RNPC3: variants seen among roughly 807,000 people sequenced by gnomAD.
The protein encoded by RNPC3 is RNA binding region (RNP1, RRM) containing 3.
A neutral mutation model predicts 67.5 loss-of-function variants in RNPC3; 48 were observed. That is an observed-to-expected ratio of 0.71 (90% CI 0.56 to 0.90). RNPC3 has a LOEUF of 0.90. RNPC3 is among the 40% of genes least tolerant of loss of function. The pLI, the probability that RNPC3 is intolerant of heterozygous loss-of-function variation, is 0.00. For synonymous variants in RNPC3, 239 were observed against 210.3 expected, an observed-to-expected ratio of 1.14 and a Z score of -1.18; for missense variants, 637 against 626.1, an observed-to-expected ratio of 1.02 and a Z score of -0.19.
At position 103,525,898 on chromosome 1, in the gene RNPC3, G is replaced by A; in HGVS notation, c.-173G>A. The stretch of plus-strand genomic sequence containing the variant: ...TTCCCCGAAGAGTCTTCGAAGGGTT[G>A]CCGCTTTTCGGTGGCGCAGTTCTCG... On this transcript the variant is annotated 5_prime_UTR_variant, in exon 1 of 15. Coordinates refer to ENST00000423855, the MANE Select transcript of RNPC3 (RefSeq NM_017619.4). 1.7e-6 allele frequency: 1 copy of A among 599,104 alleles called. No individual in the cohort carries two copies. The allele number at this position is 599,104 out of a possible 1,614,324, so 37.1% of individuals were successfully genotyped here.
chr1:103,526,924 G>T (rs1291090908), intron 1 of RNPC3, among the ~76,000 whole-genome samples: 2 of 151,980 alleles, frequency 1.3e-5, no homozygotes, highest in Non-Finnish European at 2.9e-5. Flanking sequence ...GTTTCCCTAG[G>T]TGATTTTAAT....
chr1:103,547,512 TGG>T (rs1651275532), intron 12 of RNPC3, among the ~76,000 whole-genome samples: 1 of 152,196 alleles, frequency 6.6e-6, no homozygotes, highest in Non-Finnish European at 1.5e-5. Context: ...CTAGGTTTCA[TGG>T]GTAGGACTCA....
At chr1:103,529,424 G>A (rs1197716578) in intron 2 of RNPC3, among the ~76,000 whole-genome samples, 24 of 152,118 alleles carry the variant, frequency 1.6e-4, no homozygotes, top group South Asian at 2.1e-4. Context: ...GCAGTAAGAG[G>A]TTAACGGCAA....
At chr1:103,545,142 CA>C in intron 10 of RNPC3, 40 bp downstream of exon 10, 1 of 1,478,932 alleles carries the variant, frequency 6.8e-7, no homozygotes. Context: ...TTCCATTTTA[CA>C]TATCTTTGAC....
At chr1:103,543,760 C>A (rs1315542760) in intron 9 of RNPC3, among the ~76,000 whole-genome samples, 1 of 151,530 alleles carries the variant, frequency 6.6e-6, no homozygotes, top group Non-Finnish European at 1.5e-5. Context: ...TTGTTTCATG[C>A]CGTGGCCTAT....
intron 4 of RNPC3, 100 bp from the exon 5 acceptor site, chr1:103,535,230 G>A (rs1650951549): frequency 4.2e-6 from 3 of 707,084 alleles, no homozygotes; most frequent in Non-Finnish European, 7.1e-6. Flanking sequence ...TAATAGTACT[G>A]TATCATTTGA....
chr1:103,550,493 T>G (rs1171820819), intron 12 of RNPC3, among the ~76,000 whole-genome samples: 1 of 151,722 alleles, frequency 6.6e-6, no homozygotes, highest in Non-Finnish European at 1.5e-5. Context: ...TACAAAAAAT[T>G]AGCCAGGCGT....
At chr1:103,547,515 G>A (rs1358803458) in intron 12 of RNPC3, among the ~76,000 whole-genome samples, 1 of 152,164 alleles carries the variant, frequency 6.6e-6, no homozygotes, top group Non-Finnish European at 1.5e-5. Flanking sequence ...GGTTTCATGG[G>A]TAGGACTCAT....
chr1:103,553,159 T>A (rs1381888320), intron 14 of RNPC3: 2 of 152,204 alleles, frequency 1.3e-5, no homozygotes, highest in African/African-American at 4.8e-5. Flanking sequence ...ACAAGTCTTA[T>A]AAACACTTTA....
chr1:103,535,869 G>A (rs1282175437), intron 5 of RNPC3, among the ~76,000 whole-genome samples: 8 of 151,950 alleles, frequency 5.3e-5, no homozygotes, highest in Admixed American at 2.6e-4. Context: ...AATCATTTCA[G>A]TGGTTTTTAT....
chr1:103,528,035 AAT>A (rs1650759453), intron 2 of RNPC3, among the ~76,000 whole-genome samples: 1 of 152,236 alleles, frequency 6.6e-6, no homozygotes, highest in Non-Finnish European at 1.5e-5. Context: ...TTAAAAGGAG[AAT>A]ATACATTTCT....
chr1:103,550,611 A>AG (rs1414247640), intron 12 of RNPC3, among the ~76,000 whole-genome samples: 3 of 146,728 alleles, frequency 2.0e-5, no homozygotes, highest in Non-Finnish European at 4.5e-5. Context: ...ACTGCACTCC[A>AG]GCCTGGGTGA....
At chr1:103,537,869 G>A (rs1322631048) in intron 7 of RNPC3, among the ~76,000 whole-genome samples, 1 of 151,890 alleles carries the variant, frequency 6.6e-6, no homozygotes, top group Non-Finnish European at 1.5e-5. Flanking sequence ...TTGATACGGA[G>A]TTTCGCTCTT....
At position 103,532,545 on chromosome 1, in the gene RNPC3, C is replaced by T. The variant is rs550919660; in HGVS notation, c.241-1194C>T. Reference sequence around the variant, plus strand: ...ATCATTAGCATACAGATTTAAAGTTCGGATGCTGGATTAAATCACCAACAT... The same window carrying T: ...ATCATTAGCATACAGATTTAAAGTTTGGATGCTGGATTAAATCACCAACAT... On this transcript the variant is annotated intron_variant, in intron 2 of 14. Coordinates refer to ENST00000423855, the MANE Select transcript of RNPC3 (RefSeq NM_017619.4). Among the ~76,000 whole-genome samples the T allele has an allele frequency of 9.2e-5, 14 of 152,092 alleles. No individual in the cohort carries two copies. In the South Asian group the frequency reaches 1.0e-3, roughly 11 times the overall value.
intron 3 of RNPC3, 117 bp from the exon 4 acceptor site, chr1:103,534,657 T>G: frequency 1.6e-6 from 1 of 632,584 alleles, no homozygotes; most frequent in Non-Finnish European, 2.7e-6. Flanking sequence ...AAGTTTTTTT[T>G]TTTTTTTAAT....
At chr1:103,526,597 G>T (rs1300666532) in intron 1 of RNPC3, among the ~76,000 whole-genome samples, 1 of 152,184 alleles carries the variant, frequency 6.6e-6, no homozygotes, top group African/African-American at 2.4e-5. Context: ...GGACTCAAGA[G>T]TATTCTTACA....
intron 7 of RNPC3, among the ~76,000 whole-genome samples, chr1:103,538,795 A>G (rs926500510): frequency 1.3e-5 from 2 of 152,230 alleles, no homozygotes; most frequent in African/African-American, 4.8e-5. Context: ...ATAATTAGTA[A>G]CTACTGCAGA....
At chr1:103,553,007 A>G (rs1651435978) in intron 14 of RNPC3, among the ~76,000 whole-genome samples, 1 of 152,224 alleles carries the variant, frequency 6.6e-6, no homozygotes, top group Non-Finnish European at 1.5e-5. Flanking sequence ...TCTGTAAACT[A>G]AAAGAACACG....
chr1:103,534,174 A>G (rs533832065), intron 3 of RNPC3, among the ~76,000 whole-genome samples: 2 of 152,152 alleles, frequency 1.3e-5, no homozygotes, highest in Admixed American at 1.3e-4. Flanking sequence ...TAACAGTGTC[A>G]TGAAATCAAG....
Sources: allele counts gnomAD v4.1 joint callset (sites outside exome capture counted in the v4.1 genomes callset), GRCh38; gene constraint gnomAD v4.1.1; transcripts MANE v1.5; gene names NCBI Gene and HGNC (gene_info 2026-07-23, HGNC 2026-07-21).